The following GTF2IRD1 variants were observed in gnomAD, a reference collection of about 807,000 sequenced individuals.
GTF2IRD1 encodes GTF2I repeat domain containing 1.
Under a neutral mutation model 113.2 loss-of-function variants are expected in GTF2IRD1, and 26 were observed. That is an observed-to-expected ratio of 0.23 (90% CI 0.17 to 0.32). The LOEUF is 0.32. GTF2IRD1 is among the 10% of genes least tolerant of loss of function. The pLI is 1.00. For synonymous variants in GTF2IRD1, 484 were observed against 529.1 expected (o/e 0.91, Z 1.17); for missense variants, 864 against 1,280.8 (o/e 0.67, Z 4.97).
At chr7:74,591,329 T>A (rs1802047755) in intron 24 of GTF2IRD1, among the ~76,000 whole-genome samples, 2 of 150,664 alleles carry the variant, frequency 1.3e-5, no homozygotes, top group Non-Finnish European at 3.0e-5. Flanking sequence ...TGAATATTTA[T>A]TATATATTTT....
intron 11 of GTF2IRD1, 117 bp from the exon 12 acceptor site, chr7:74,538,019 C>A: frequency 1.1e-6 from 1 of 888,950 alleles, no homozygotes; most frequent in Non-Finnish European, 1.9e-6. Flanking sequence ...CCGATGGGGA[C>A]AGGGATGCCT....
At chr7:74,530,620 G>A (rs1269217885) in intron 9 of GTF2IRD1, among the ~76,000 whole-genome samples, 1 of 147,748 alleles carries the variant, frequency 6.8e-6, no homozygotes, top group African/African-American at 2.5e-5. Flanking sequence ...GGCGGCAGGG[G>A]TGGGGGGAAG....
chr7:74,498,337 C>T (rs1795842614), intron 1 of GTF2IRD1, among the ~76,000 whole-genome samples: 1 of 152,128 alleles, frequency 6.6e-6, no homozygotes, highest in Non-Finnish European at 1.5e-5. Context: ...TCTGCATATC[C>T]TGGATATTAA....
At chr7:74,488,784 C>G (rs1265367596) in intron 1 of GTF2IRD1, among the ~76,000 whole-genome samples, 1 of 151,128 alleles carries the variant, frequency 6.6e-6, no homozygotes, top group African/African-American at 2.4e-5. Flanking sequence ...AGAAAAGAAA[C>G]TCTAGTCCTG....
chr7:74,591,842 A>T (rs1324281674), intron 24 of GTF2IRD1, among the ~76,000 whole-genome samples: 6 of 149,290 alleles, frequency 4.0e-5, no homozygotes, highest in African/African-American at 1.5e-4. Context: ...CTGGTCTTGA[A>T]CTCCTAAGCT....
intron 22 of GTF2IRD1, among the ~76,000 whole-genome samples, chr7:74,573,892 A>G (rs1001143953): frequency 6.6e-6 from 1 of 152,186 alleles, no homozygotes; most frequent in Non-Finnish European, 1.5e-5. Context: ...GCAGTCACTC[A>G]TTTGTGCACA....
chr7:74,567,871 C>T (rs1334139564), intron 22 of GTF2IRD1, among the ~76,000 whole-genome samples: 3 of 152,004 alleles, frequency 2.0e-5, no homozygotes, highest in African/African-American at 7.2e-5. Context: ...CTGCAACCCC[C>T]GCCTCCCGGG....
chr7:74,560,902 C>G (rs1317511065), intron 22 of GTF2IRD1, among the ~76,000 whole-genome samples: 2 of 152,056 alleles, frequency 1.3e-5, no homozygotes, highest in African/African-American at 4.8e-5. Flanking sequence ...TTTAAGGCAC[C>G]CATCCACTTC....
intron 1 of GTF2IRD1, among the ~76,000 whole-genome samples, chr7:74,465,290 G>A (rs1262781119): frequency 6.6e-6 from 1 of 152,126 alleles, no homozygotes; most frequent in Admixed American, 6.5e-5. Flanking sequence ...CGGGCCACCA[G>A]CTCCCTGAGA....
At position 74,581,312 on chromosome 7, in the gene GTF2IRD1, G is replaced by A. The variant is rs587770066; in HGVS notation, c.2321-8539G>A. On this transcript the variant is annotated intron_variant, in intron 22 of 26. Transcript: ENST00000424337. ...GTTGGGATGAAAGGCATGAGCCACCGCATGCCCGGCCCATTGCTGCTTTAC... is the reference window on the plus strand; with the variant it reads ...GTTGGGATGAAAGGCATGAGCCACCACATGCCCGGCCCATTGCTGCTTTAC... Among the ~76,000 whole-genome samples, 7 of 152,200 alleles carry A rather than the reference G, an allele frequency of 4.6e-5. No individual in the cohort carries two copies. In the East Asian group the frequency reaches 9.6e-4, roughly 21 times the overall value.
chr7:74,486,838 G>A (rs1327283875), intron 1 of GTF2IRD1, among the ~76,000 whole-genome samples: 1 of 151,870 alleles, frequency 6.6e-6, no homozygotes, highest in Non-Finnish European at 1.5e-5. Context: ...AAATAGCCAA[G>A]CGTGGTTGTG....
intron 22 of GTF2IRD1, among the ~76,000 whole-genome samples, chr7:74,560,286 G>T (rs587665380): frequency 1.3e-5 from 2 of 152,088 alleles, no homozygotes; most frequent in East Asian, 3.9e-4. Context: ...AAGGGGCTCT[G>T]GTTGACCTCA....
chr7:74,464,532 C>G (rs2116932239), intron 1 of GTF2IRD1, among the ~76,000 whole-genome samples: 1 of 152,244 alleles, frequency 6.6e-6, no homozygotes, highest in Non-Finnish European at 1.5e-5. Context: ...TGGCAGCCCC[C>G]CTCCTCCTGG....
intron 1 of GTF2IRD1, among the ~76,000 whole-genome samples, chr7:74,504,705 CT>C (rs561437934): frequency 0.067 from 7,783 of 116,126 alleles, 622 homozygotes; most frequent in East Asian, 0.25. Flanking sequence ...AGAATTTTTA[CT>C]TTTTTTTTTT....
chr7:74,526,627 C>G (rs1797614579), intron 8 of GTF2IRD1, among the ~76,000 whole-genome samples: 1 of 152,154 alleles, frequency 6.6e-6, no homozygotes, highest in African/African-American at 2.4e-5. Context: ...GCAGCCCCTT[C>G]CCAAGGGGCA....
At chr7:74,574,549 C>T (rs188957386) in intron 22 of GTF2IRD1, among the ~76,000 whole-genome samples, 275 of 151,358 alleles carry the variant, frequency 1.8e-3, no homozygotes, top group Middle Eastern at 0.01. Flanking sequence ...TCCTCGACCT[C>T]CCTAAGCTCA....
intron 22 of GTF2IRD1, among the ~76,000 whole-genome samples, chr7:74,572,782 CAT>C (rs147661681): frequency 1.4e-4 from 22 of 152,238 alleles, no homozygotes; most frequent in African/African-American, 5.3e-4. Context: ...GCGCCAGCCA[CAT>C]GTTTCTCCAC....
chr7:74,476,996 T>C (rs1158000523), intron 1 of GTF2IRD1, among the ~76,000 whole-genome samples: 8 of 151,926 alleles, frequency 5.3e-5, no homozygotes, highest in Non-Finnish European at 1.2e-4. Flanking sequence ...GGCCCAAGAC[T>C]GGAAATAGGG....
intron 16 of GTF2IRD1, 43 bp downstream of exon 16, chr7:74,545,852 C>T (rs113287658): frequency 2.7e-5 from 39 of 1,418,588 alleles, no homozygotes; most frequent in Non-Finnish European, 3.5e-5. Flanking sequence ...TCCCGGCCCC[C>T]CTCCAGCCGC....
Sources: allele counts gnomAD v4.1 joint callset (sites outside exome capture counted in the v4.1 genomes callset), GRCh38; gene constraint gnomAD v4.1.1; transcripts MANE v1.5; gene names NCBI Gene and HGNC (gene_info 2026-07-23, HGNC 2026-07-21).